The following SCMH1 variants were observed in gnomAD, a reference collection of about 807,000 sequenced individuals.
SCMH1 encodes Scm polycomb group protein homolog 1.
SCMH1 carries 37 observed loss-of-function variants against 70.8 expected under a neutral mutation model. The ratio of observed to expected loss-of-function variants is 0.52; its 90% CI spans 0.40 to 0.69. The LOEUF is 0.69. Ranked by LOEUF, SCMH1 falls within the 30% of genes least tolerant of loss-of-function variation. The pLI is 0.00. For synonymous variants in SCMH1, 292 were observed against 307.4 expected, an observed-to-expected ratio of 0.95 and a Z score of 0.52; for missense variants, 607 against 827.3, an observed-to-expected ratio of 0.73 and a Z score of 3.27.
intron 6 of SCMH1, among the ~76,000 whole-genome samples, chr1:41,128,509 T>G (rs1316587199): frequency 6.6e-6 from 1 of 152,330 alleles, no homozygotes; most frequent in Middle Eastern, 3.4e-3. Context: ...GCACTGTTTC[T>G]GACGAGAAGT....
chr1:41,144,142 C>T (rs1414840111), intron 5 of SCMH1, among the ~76,000 whole-genome samples: 3 of 152,096 alleles, frequency 2.0e-5, no homozygotes, highest in Admixed American at 1.3e-4. Context: ...TTAAGGTATA[C>T]AATTCAATGA....
At position 41,202,569 on chromosome 1, in the gene SCMH1, C is replaced by T. The variant is rs999719689; in HGVS notation, c.-117-16319G>A. Among the ~76,000 whole-genome samples the T allele has an allele frequency of 5.9e-5, 9 of 152,186 alleles. 1 individual carries two copies. Among genetic ancestry groups the T allele is most frequent in the East Asian group, 1.9e-4 (1 of 5,182 alleles). On this transcript the variant is annotated intron_variant, in intron 1 of 14. Coordinates refer to ENST00000337495, the Ensembl canonical transcript of SCMH1. The stretch of plus-strand genomic sequence containing the variant: ...AGAGAACTCCAAAAATTTATTTCAT[C>T]GAAATCATTAATGGGTGTCTAACCT...
Position 41,046,347 on chromosome 1 carries a change from G to A in SCMH1, c.1498+60C>T. 5 of 1,466,836 alleles carry A rather than the reference G, an allele frequency of 3.4e-6. No homozygotes were observed. The South Asian group carries it at 4.8e-5, about 14-fold the overall frequency. 90.9% of individuals were successfully genotyped at this position (1,466,836 alleles called of 1,614,324 possible). ...TTCTGAAGGCTGACCCTGGGCCCCT[G>A]CAGGTGCTGCTGCTAGCCCTGTCCC... On this transcript the variant is annotated intron_variant, in intron 12 of 14. Coordinates refer to ENST00000337495, the Ensembl canonical transcript of SCMH1.
chr1:41,127,828 G>A (rs1487651538), intron 6 of SCMH1, among the ~76,000 whole-genome samples: 1 of 152,064 alleles, frequency 6.6e-6, no homozygotes, highest in African/African-American at 2.4e-5. Flanking sequence ...TGAGAACACA[G>A]TGAGAAGGCA....
chr1:41,207,832 T>G (rs1257856449), intron 1 of SCMH1, among the ~76,000 whole-genome samples: 5 of 151,720 alleles, frequency 3.3e-5, no homozygotes, highest in Admixed American at 6.6e-5. Flanking sequence ...TTGGTGGGAC[T>G]GTAAACTAGT....
rs117359303 is a variant in SCMH1, at chr1:41,167,669, T to C, written c.14-6237A>G. Among the ~76,000 whole-genome samples the C allele has an allele frequency of 1.0e-3, 154 of 152,344 alleles. 3 individuals are homozygous for C. The East Asian group carries it at 0.019, about 19-fold the overall frequency. ...TTTGTTGGCTTATAACTGTTCATAG[T>C]AGTCTTTCATGATCCTTTGTATTTC... On this transcript the variant is annotated intron_variant, in intron 2 of 14. Transcript: ENST00000337495.
At chr1:41,226,208 C>T (rs971032026) in intron 1 of SCMH1, among the ~76,000 whole-genome samples, 1 of 152,194 alleles carries the variant, frequency 6.6e-6, no homozygotes, top group South Asian at 2.1e-4. Flanking sequence ...TTTCATCTTT[C>T]TAGTAATTCA....
chr1:41,128,676 C>G (rs1350730006), intron 6 of SCMH1, among the ~76,000 whole-genome samples: 2 of 152,068 alleles, frequency 1.3e-5, no homozygotes, highest in Non-Finnish European at 2.9e-5. Context: ...TTGAGCTTCT[C>G]TGATTTGTGA....
chr1:41,101,030 A>G (rs1288465499), intron 8 of SCMH1, among the ~76,000 whole-genome samples: 2 of 146,326 alleles, frequency 1.4e-5, no homozygotes, highest in Non-Finnish European at 3.0e-5. Context: ...AGGCGGGGAG[A>G]AAAAAAAAAA....
intron 6 of SCMH1, among the ~76,000 whole-genome samples, chr1:41,130,963 T>G (rs1674537186): frequency 6.6e-6 from 1 of 152,242 alleles, no homozygotes; most frequent in South Asian, 2.1e-4. Flanking sequence ...TTTGTGCTTT[T>G]GGTGCTGTAT....
chr1:41,068,528 C>A (rs1231548685), intron 10 of SCMH1, among the ~76,000 whole-genome samples: 1 of 152,258 alleles, frequency 6.6e-6, no homozygotes, highest in East Asian at 1.9e-4. Flanking sequence ...GCCACAGCCT[C>A]CTGAGTAGCT....
chr1:41,152,801 A>C (rs1280430544), intron 4 of SCMH1: 4 of 1,450,688 alleles, frequency 2.8e-6, no homozygotes, highest in Non-Finnish European at 3.7e-6. Context: ...GATGATGCCA[A>C]GACTTTACAC....
chr1:41,077,611 C>T (rs538947365), intron 8 of SCMH1, among the ~76,000 whole-genome samples: 2 of 152,114 alleles, frequency 1.3e-5, no homozygotes, highest in Non-Finnish European at 2.9e-5. Context: ...GTAGGACAAT[C>T]TCCTGCAGTG....
chr1:41,167,408 C>T (rs1398983560), intron 2 of SCMH1, among the ~76,000 whole-genome samples: 2 of 152,152 alleles, frequency 1.3e-5, no homozygotes, highest in Non-Finnish European at 2.9e-5. Context: ...GAATTCCCTC[C>T]TCTTCAACTT....
Position 41,206,415 on chromosome 1 carries a change from C to A in SCMH1, c.-117-20165G>T, listed in dbSNP as rs566387937. 5.9e-5 allele frequency among the ~76,000 whole-genome samples: 9 copies of A among 152,138 alleles called. No homozygotes were observed. The South Asian group carries it at 1.2e-3, about 21-fold the overall frequency. The stretch of plus-strand genomic sequence containing the variant: ...ATGACACATGCACAAGCTTCAGTAG[C>A]CGATTTGACCAAGTGGAAGAAAGGA... On this transcript the variant is annotated intron_variant, in intron 1 of 14. Coordinates refer to ENST00000337495, the Ensembl canonical transcript of SCMH1.
At chr1:41,122,515 A>G (rs1190524402) in intron 6 of SCMH1, among the ~76,000 whole-genome samples, 1 of 152,220 alleles carries the variant, frequency 6.6e-6, no homozygotes, top group African/African-American at 2.4e-5. Context: ...AAAATCCTTG[A>G]TAGTTTTATT....
At position 41,184,786 on chromosome 1, in the gene SCMH1, C is replaced by T. The variant is rs146845702; in HGVS notation, c.13+1335G>A. 2.6e-5 allele frequency among the ~76,000 whole-genome samples: 4 copies of T among 152,186 alleles called. No homozygotes were observed. The East Asian group carries it at 7.8e-4, about 30-fold the overall frequency. ...AACTTTTCCAAGCTGAGAGAAAATT[C>T]ACAGGTTGTAAAGGGAGATAACTAG... On this transcript the variant is annotated intron_variant, in intron 2 of 14. Transcript: ENST00000337495.
exon 15 of SCMH1, chr1:41,027,466 A>T (rs953569802): frequency 6.6e-6 from 1 of 152,288 alleles, no homozygotes; most frequent in African/African-American, 2.4e-5. Flanking sequence ...CCCACAGATG[A>T]GGCCTAGGGC....
intron 8 of SCMH1, among the ~76,000 whole-genome samples, chr1:41,085,140 A>T (rs1437434411): frequency 1.3e-5 from 2 of 151,484 alleles, no homozygotes; most frequent in Non-Finnish European, 2.9e-5. Flanking sequence ...AATAATAAAT[A>T]AAATAAAATA....
Sources: gnomAD v4.1 joint callset for allele counts (sites outside exome capture counted in the v4.1 genomes callset) on GRCh38, gnomAD v4.1.1 for gene constraint, MANE v1.5 for transcripts, NCBI Gene and HGNC (gene_info 2026-07-23, HGNC 2026-07-21) for gene names.